Variants in HMCN1 observed in about 807,000 individuals in gnomAD.
The protein encoded by HMCN1 is hemicentin-1.
HMCN1 carries 321 observed loss-of-function variants against 625.9 expected under a neutral mutation model. The observed-to-expected ratio is 0.51, with a 90% CI of 0.47 to 0.56. The LOEUF (loss-of-function observed/expected upper bound fraction) is 0.56, where lower values mean the gene tolerates loss of function less well. Among genes scored for constraint, HMCN1 ranks in the 20% least tolerant of loss-of-function variants. HMCN1 has a pLI of 0.00. For missense variants in HMCN1, 6,588 were observed against 6,887.3 expected, an observed-to-expected ratio of 0.96 and a Z score of 1.54; for synonymous variants, 2,425 against 2,417.6, an observed-to-expected ratio of 1.00 and a Z score of -0.09.
intron 31 of HMCN1, 32 bp from the exon 32 acceptor site, chr1:186,015,926 A>G: frequency 6.3e-7 from 1 of 1,595,306 alleles, no homozygotes; most frequent in Non-Finnish European, 8.6e-7. Flanking sequence ...CACACAAATA[A>G]TTGCCTGAAA....
intron 1 of HMCN1, among the ~76,000 whole-genome samples, chr1:185,746,657 T>C (rs2102081532): frequency 6.8e-6 from 1 of 147,444 alleles, no homozygotes; most frequent in East Asian, 2.0e-4. Context: ...CAGGCTAGAG[T>C]GCAATGGTGT....
At chr1:186,083,500 T>TAAAAA (rs58407499) in intron 57 of HMCN1, among the ~76,000 whole-genome samples, 57,656 of 122,670 alleles carry the variant, frequency 0.47, 13,444 homozygotes, top group East Asian at 0.55. Flanking sequence ...CACTTTTTGC[T>TAAAAA]AAAAAAAAAA....
chr1:186,093,456 T>A (rs1659955300), intron 65 of HMCN1, 30 bp from the exon 66 acceptor site: 3 of 1,607,782 alleles, frequency 1.9e-6, no homozygotes, highest in Non-Finnish European at 2.6e-6. Context: ...ACATCCCTCT[T>A]CCCTCTCTCT....
At position 185,965,865 on chromosome 1, in the gene HMCN1, T is replaced by C. The variant is rs144270518; in HGVS notation, c.2162T>C (p.Met721Thr). 8.7e-6 allele frequency: 14 copies of C among 1,612,208 alleles called. No individual in the cohort carries two copies. The highest frequency in any genetic ancestry group is 2.7e-5 in the African/African-American group (2 of 74,844). ...LLVALGDITV[M>T]ECKTSGIPPP... is the part of the protein sequence containing the mutation. ...GTTGCCCTTGGGGATATAACCGTTA[T>C]GGAATGCAAAACCTCTGGTATTCCT... The change falls in exon 14 of 107, where the codon ATG becomes ACG. Residue 721 changes from methionine (M) to threonine (T), a missense_variant. Physicochemically the swap from Met to Thr is moderately conservative, Grantham distance 81. This residue lies in a region of HMCN1 where 4,628 missense variants were observed against 4,853.1 expected (regional missense o/e 0.95). Coordinates refer to ENST00000271588, the MANE Select transcript of HMCN1 (RefSeq NM_031935.3).
intron 97 of HMCN1, among the ~76,000 whole-genome samples, chr1:186,161,717 ATTCTT>A (rs1651493731): frequency 6.6e-6 from 1 of 152,182 alleles, no homozygotes; most frequent in African/African-American, 2.4e-5. Flanking sequence ...TGGGTTGAAA[ATTCTT>A]TTCTTTAAGA....
chr1:185,820,106 T>C (rs1660094486), intron 1 of HMCN1, among the ~76,000 whole-genome samples: 2 of 152,180 alleles, frequency 1.3e-5, no homozygotes, highest in Non-Finnish European at 1.5e-5. Context: ...TTGCTTTTGA[T>C]TGGGAACTGT....
intron 4 of HMCN1, among the ~76,000 whole-genome samples, chr1:185,900,734 T>A (rs1665758741): frequency 6.6e-6 from 1 of 151,908 alleles, no homozygotes; most frequent in African/African-American, 2.4e-5. Flanking sequence ...TATTAGTATA[T>A]TAGGAGGCTA....
At chr1:185,979,908 C>T (rs1164426130) in intron 16 of HMCN1, among the ~76,000 whole-genome samples, 1 of 152,036 alleles carries the variant, frequency 6.6e-6, no homozygotes, top group African/African-American at 2.4e-5. Context: ...CCTCTCCTTC[C>T]TTCCTGATTG....
chr1:185,980,606 GCAC>G (rs1458165009), intron 16 of HMCN1, among the ~76,000 whole-genome samples: 3 of 151,266 alleles, frequency 2.0e-5, no homozygotes, highest in African/African-American at 7.3e-5. Flanking sequence ...GTGGTGCAGA[GCAC>G]CACCATTGAT....
rs567139159 is a variant in HMCN1 at position 185,845,463 on chromosome 1, T to G, written c.269-563T>G. Among the ~76,000 whole-genome samples the G allele has an allele frequency of 5.9e-5, 9 of 152,268 alleles. No homozygotes were observed. The South Asian group carries it at 6.2e-4, about 11-fold the overall frequency. On this transcript the variant is annotated intron_variant, in intron 1 of 106. Transcript: ENST00000271588. The stretch of plus-strand genomic sequence containing the variant: ...CTCGAACTCCTGACCTCAAATGATC[T>G]GCCCGCCTTGGACTCCCAAAGTGCT...
At chr1:185,849,250 A>T (rs750731240) in intron 2 of HMCN1, among the ~76,000 whole-genome samples, 2 of 152,156 alleles carry the variant, frequency 1.3e-5, no homozygotes, top group Non-Finnish European at 2.9e-5. Flanking sequence ...GTTCTCGCAC[A>T]GAGAGTTCCT....
chr1:186,018,433 A>C, intron 34 of HMCN1, 81 bp downstream of exon 34: 80 of 1,286,824 alleles, frequency 6.2e-5, no homozygotes, highest in Non-Finnish European at 8.5e-5. Flanking sequence ...ATTGTAGCTC[A>C]ATAATGTGAA....
chr1:186,069,898 T>C, intron 51 of HMCN1, 122 bp downstream of exon 51: 1 of 720,336 alleles, frequency 1.4e-6, no homozygotes, highest in Non-Finnish European at 2.5e-6. Flanking sequence ...TTTGTGCAGC[T>C]TACTTTATTA....
chr1:185,767,023 A>G (rs1352975510), intron 1 of HMCN1, among the ~76,000 whole-genome samples: 4 of 150,366 alleles, frequency 2.7e-5, no homozygotes, highest in African/African-American at 4.9e-5. Context: ...AAAAAAAAAA[A>G]GGAATTAAAC....
At position 186,120,045 on chromosome 1, in the gene HMCN1, A is replaced by G. The variant is rs2102488105; in HGVS notation, c.12129A>G (p.Leu4043=). 1.2e-6 allele frequency: 2 copies of G among 1,613,998 alleles called. No individual in the cohort carries two copies. Among genetic ancestry groups the G allele is most frequent in the Middle Eastern group, 1.7e-4 (1 of 6,058 alleles). ...RNHAVLPSGG[L]QISRAVREDA... The stretch of plus-strand genomic sequence containing the variant: ...ATGCAGTTCTTCCTAGTGGCGGCTT[A>G]CAGATCTCCAGAGCTGTCCGAGAGG... The change falls in exon 80 of 107, where the codon TTA becomes TTG. Residue 4043 remains leucine, a synonymous_variant. Transcript: ENST00000271588.
At chr1:186,180,445 TA>T (rs1652863803) in intron 104 of HMCN1, among the ~76,000 whole-genome samples, 1 of 152,152 alleles carries the variant, frequency 6.6e-6, no homozygotes, top group South Asian at 2.1e-4. Context: ...TTATGAAAAA[TA>T]AATTTAGCCA....
intron 106 of HMCN1, 121 bp from the exon 107 acceptor site, chr1:186,189,391 T>C: frequency 9.7e-7 from 1 of 1,032,038 alleles, no homozygotes. Flanking sequence ...CTTACCGCTT[T>C]TACAGCCAGG....
chr1:186,115,946 G>T (rs12119270), intron 75 of HMCN1, among the ~76,000 whole-genome samples: 8 of 150,976 alleles, frequency 5.3e-5, no homozygotes, highest in African/African-American at 2.0e-4. Flanking sequence ...AAATCACTAA[G>T]AATTTCTGAT....
chr1:186,168,428 G>A (rs1652014261), intron 100 of HMCN1, among the ~76,000 whole-genome samples: 2 of 150,760 alleles, frequency 1.3e-5, no homozygotes, highest in Admixed American at 1.3e-4. Flanking sequence ...ACTCCAGCCT[G>A]GTGACAGAGA....
Sources: gnomAD v4.1 joint callset for allele counts (sites outside exome capture counted in the v4.1 genomes callset) on GRCh38, gnomAD v4.1.1 for gene constraint, gnomAD v4.1.1 regional missense constraint, MANE v1.5 for transcripts, NCBI Gene and HGNC (gene_info 2026-07-23, HGNC 2026-07-21) for gene names.